Variants in PTGR2 observed in about 807,000 individuals in gnomAD.
PTGR2 encodes the protein 15-oxoprostaglandin 13-reductase.
PTGR2 carries 32 observed loss-of-function variants against 43.4 expected under a neutral mutation model. That is an observed-to-expected ratio of 0.74 (90% CI 0.56 to 0.99). The LOEUF (loss-of-function observed/expected upper bound fraction) is 0.99. Among genes scored for constraint, PTGR2 ranks in the 50% least tolerant of loss-of-function variants. PTGR2 has a pLI of 0.00. For missense variants in PTGR2, 373 were observed against 420.0 expected (o/e 0.89, Z 0.98); for synonymous variants, 106 against 139.2 (o/e 0.76, Z 1.68).
intron 6 of PTGR2, chr14:73,879,824 C>A: frequency 2.1e-6 from 1 of 465,132 alleles, no homozygotes. Flanking sequence ...GCAACAACAA[C>A]TAATGTAATT....
At position 73,874,448 on chromosome 14, in the gene PTGR2, A is replaced by G. The variant is rs147610689; in HGVS notation, c.348+234A>G. The G allele has an allele frequency of 2.0e-3, 1,112 of 543,626 alleles. 1 individual carries two copies. Among genetic ancestry groups the G allele is most frequent in the Middle Eastern group, 3.1e-3 (11 of 3,546 alleles). The allele number at this position is 543,626 out of a possible 1,614,324, so 33.7% of individuals were successfully genotyped here. A position where few individuals can be genotyped will look rare whatever the true frequency, so the allele number is the denominator to read the frequency against. On this transcript the variant is annotated intron_variant, in intron 4 of 9. Coordinates refer to ENST00000555661, the MANE Select transcript of PTGR2 (RefSeq NM_001146154.2). ...GCCTGCTAAAATAAACTGACAATAA[A>G]CAGATTAACAGGAGAAAAACCATTT... is the stretch of plus-strand genomic sequence containing the variant.
chr14:73,867,105 AAAAC>A lies in PTGR2; in HGVS notation c.156+6452_156+6455del, dbSNP rs1341187991. On this transcript the variant is annotated intron_variant, in intron 3 of 9. Transcript: ENST00000555661. ...CTCTGTCTCAAAAAAAAAAAAAAAA[AAAAC>A]AAAAAAACAAAAAAAAGAAGAAGAA... Among the ~76,000 whole-genome samples, 415 of 128,988 alleles carry A rather than the reference AAAAC, an allele frequency of 3.2e-3. 2 individuals carry two copies. Among genetic ancestry groups the A allele is most frequent in the African/African-American group, 9.1e-3 (332 of 36,598 alleles). The allele number at this position is 128,988 out of a possible 152,430, so 84.6% of individuals were successfully genotyped here. A position where few individuals can be genotyped will look rare whatever the true frequency, so the allele number is the denominator to read the frequency against.
At chr14:73,883,185 TCC>T (rs1297893164) in intron 9 of PTGR2, among the ~76,000 whole-genome samples, 46 of 88,884 alleles carry the variant, frequency 5.2e-4, no homozygotes, top group African/African-American at 2.1e-3. Flanking sequence ...TCCCCTCACC[TCC>T]CTTTTTTTTT....
intron 3 of PTGR2, chr14:73,861,377 T>C (rs1407675703): frequency 6.6e-6 from 1 of 152,226 alleles, no homozygotes; most frequent in Non-Finnish European, 1.5e-5. Context: ...ATACAGTCTT[T>C]TCTTTACTTC....
At chr14:73,870,142 G>A (rs1041813265) in intron 3 of PTGR2, among the ~76,000 whole-genome samples, 1 of 151,942 alleles carries the variant, frequency 6.6e-6, no homozygotes, top group African/African-American at 2.4e-5. Context: ...AGTCCAGCTT[G>A]GGCAGCAACG....
chr14:73,876,334 G>A (rs533116208), intron 4 of PTGR2, among the ~76,000 whole-genome samples: 2 of 152,226 alleles, frequency 1.3e-5, no homozygotes, highest in Admixed American at 1.3e-4. Flanking sequence ...AAAAGTCCAA[G>A]ATCAGAGTTC....
At chr14:73,874,463 A>G (rs970826310) in intron 4 of PTGR2, 1 of 530,690 alleles carries the variant, frequency 1.9e-6, no homozygotes, top group Non-Finnish European at 3.5e-6. Flanking sequence ...TTAACAGGAG[A>G]AAAACCATTT....
chr14:73,879,783 C>T, intron 6 of PTGR2: 1 of 373,636 alleles, frequency 2.7e-6, no homozygotes, highest in Non-Finnish European at 5.0e-6. Flanking sequence ...TGTTTAAATC[C>T]AAAAAAATAC....
intron 3 of PTGR2, among the ~76,000 whole-genome samples, chr14:73,871,153 A>G (rs1299039261): frequency 4.6e-5 from 7 of 152,284 alleles, no homozygotes; most frequent in Admixed American, 4.6e-4. Flanking sequence ...ACCAATGGCC[A>G]GTGGTTTAAT....
chr14:73,873,753 C>A (rs191066721), intron 3 of PTGR2, among the ~76,000 whole-genome samples: 2 of 152,088 alleles, frequency 1.3e-5, no homozygotes, highest in African/African-American at 4.8e-5. Flanking sequence ...CCTGAGCCAC[C>A]GTTCCCAGCC....
chr14:73,872,854 G>C (rs1422856011), intron 3 of PTGR2, among the ~76,000 whole-genome samples: 1 of 151,866 alleles, frequency 6.6e-6, no homozygotes, highest in Non-Finnish European at 1.5e-5. Context: ...GTGCGTGCCT[G>C]TAGTCCCAGC....
rs1223224026 is a variant in PTGR2 at position 73,884,987 on chromosome 14, T to C, written c.*810T>C. ...GGCAAACAGATGTAAACATCACTTG[T>C]AGGTGATTAAAAAGATTGACAGCCG... On this transcript the variant is annotated 3_prime_UTR_variant, in exon 10 of 10. Coordinates refer to ENST00000555661, the MANE Select transcript of PTGR2 (RefSeq NM_001146154.2). The C allele has an allele frequency of 6.6e-6, 1 of 152,166 alleles. No individual in the cohort carries two copies. The highest frequency in any genetic ancestry group is 2.4e-5 in the African/African-American group (1 of 41,430). 9.4% of individuals were successfully genotyped at this position (152,166 alleles called of 1,614,324 possible). A position where few individuals can be genotyped will look rare whatever the true frequency, so the allele number is the denominator to read the frequency against.
intron 1 of PTGR2, 169 bp from the exon 2 acceptor site, chr14:73,858,647 T>C (rs2054417636): frequency 2.5e-6 from 1 of 401,404 alleles, no homozygotes; most frequent in Non-Finnish European, 4.6e-6. Flanking sequence ...ATTTAGTCTT[T>C]CTTCATATAT....
chr14:73,874,715 T>G, intron 4 of PTGR2: 2 of 388,372 alleles, frequency 5.1e-6, no homozygotes, highest in South Asian at 3.6e-5. Flanking sequence ...GGAATGGGGC[T>G]TGAGGTTTTT....
At chr14:73,855,249 C>A (rs1252713406) in intron 1 of PTGR2, among the ~76,000 whole-genome samples, 1 of 152,006 alleles carries the variant, frequency 6.6e-6, no homozygotes, top group Admixed American at 6.6e-5. Flanking sequence ...AAGGAATTGC[C>A]AGTACTACTA....
chr14:73,877,429 T>A, intron 5 of PTGR2: 1 of 234,112 alleles, frequency 4.3e-6, no homozygotes, highest in Non-Finnish European at 8.3e-6. Context: ...CACACCTGGC[T>A]AATTTTTGTA....
At chr14:73,883,431 T>C (rs563263035) in intron 9 of PTGR2, among the ~76,000 whole-genome samples, 1 of 151,270 alleles carries the variant, frequency 6.6e-6, no homozygotes, top group African/African-American at 2.4e-5. Context: ...TGGCCTCAAA[T>C]GATCCTTCTG....
chr14:73,862,071 G>A (rs2054503449), intron 3 of PTGR2, among the ~76,000 whole-genome samples: 1 of 151,198 alleles, frequency 6.6e-6, no homozygotes, highest in Non-Finnish European at 1.5e-5. Flanking sequence ...TAGAGATGGG[G>A]TCCCACCAGA....
Position 73,876,172 on chromosome 14 carries a change from T to A in PTGR2, c.349-826T>A, listed in dbSNP as rs1021730392. Among the ~76,000 whole-genome samples, 5 of 152,270 alleles carry A rather than the reference T, an allele frequency of 3.3e-5. No homozygotes were observed. The East Asian group carries it at 9.6e-4, about 29-fold the overall frequency. On this transcript the variant is annotated intron_variant, in intron 4 of 9. Coordinates refer to ENST00000555661, the MANE Select transcript of PTGR2 (RefSeq NM_001146154.2). ...AATATTGTTTTTTACTCTTTACAAA[T>A]AAAGTATAGAATTTTAGCAAGACTG...
Sources: allele counts gnomAD v4.1 joint callset (sites outside exome capture counted in the v4.1 genomes callset), GRCh38; gene constraint gnomAD v4.1.1; transcripts MANE v1.5; gene names NCBI Gene and HGNC (gene_info 2026-07-23, HGNC 2026-07-21).